WDR59: variants seen among roughly 807,000 people sequenced by gnomAD.
The protein encoded by WDR59 is GATOR2 complex protein WDR59.
Under a neutral mutation model 131.2 loss-of-function variants are expected in WDR59, and 100 were observed. That is an observed-to-expected ratio of 0.76 (90% CI 0.65 to 0.90). WDR59 has a LOEUF of 0.90. Among genes scored for constraint, WDR59 ranks in the 40% least tolerant of loss-of-function variants. The probability of loss-of-function intolerance (pLI) is 0.00; values close to 1 mark genes in which losing one functional copy is unlikely to be tolerated. For synonymous variants in WDR59, 601 were observed against 466.2 expected (o/e 1.29, Z -3.72); for missense variants, 1,203 against 1,262.2 (o/e 0.95, Z 0.71).
intron 17 of WDR59, among the ~76,000 whole-genome samples, chr16:74,908,115 C>T (rs1965907855): frequency 6.6e-6 from 1 of 152,092 alleles, no homozygotes; most frequent in Admixed American, 6.6e-5. Context: ...AGGGCTTTTG[C>T]GTTGTAATTT....
intron 18 of WDR59, among the ~76,000 whole-genome samples, chr16:74,894,720 T>C (rs1186111590): frequency 6.6e-6 from 1 of 152,152 alleles, no homozygotes; most frequent in Non-Finnish European, 1.5e-5. Flanking sequence ...GATTTCCAGG[T>C]CTTACTACTA....
intron 2 of WDR59, among the ~76,000 whole-genome samples, chr16:74,964,668 C>T (rs1411555730): frequency 6.6e-6 from 1 of 151,902 alleles, no homozygotes; most frequent in African/African-American, 2.4e-5. Flanking sequence ...GGTTCATAAA[C>T]AACTACATTA....
chr16:74,887,578 A>C, intron 23 of WDR59, 105 bp downstream of exon 23: 1 of 1,105,742 alleles, frequency 9.0e-7, no homozygotes, highest in Non-Finnish European at 1.3e-6. Flanking sequence ...AAGAGAAATA[A>C]GAAATAAGAA....
chr16:74,875,163 C>A (rs1040661193), intron 25 of WDR59, among the ~76,000 whole-genome samples: 2 of 152,218 alleles, frequency 1.3e-5, no homozygotes, highest in Admixed American at 6.5e-5. Flanking sequence ...ACTGCCCACT[C>A]GCCACTGGCC....
chr16:74,970,495 C>CCAAAAAAAA (rs2033936954), intron 1 of WDR59, among the ~76,000 whole-genome samples: 1 of 33,448 alleles, frequency 3.0e-5, no homozygotes, highest in Non-Finnish European at 6.4e-5. Context: ...ACTCTGTCTC[C>CCAAAAAAAA]AAAAAAAAAA....
chr16:74,959,365 G>A (rs1236174771), intron 2 of WDR59: 5 of 293,454 alleles, frequency 1.7e-5, no homozygotes, highest in Non-Finnish European at 2.7e-5. Context: ...CTCCTCCACC[G>A]TCTACCCACT....
At chr16:74,945,844 G>C (rs1317688875) in intron 6 of WDR59, among the ~76,000 whole-genome samples, 1 of 143,542 alleles carries the variant, frequency 7.0e-6, no homozygotes, top group African/African-American at 2.6e-5. Context: ...TTGAGACAGA[G>C]TTTTGCTCTT....
At chr16:74,941,695 A>C (rs1489077931) in intron 7 of WDR59, among the ~76,000 whole-genome samples, 1 of 38,468 alleles carries the variant, frequency 2.6e-5, no homozygotes, top group Non-Finnish European at 3.9e-5. Context: ...CTGTCTCAAG[A>C]AAAAAAAAAA....
At chr16:74,945,447 A>C (rs910033721) in intron 6 of WDR59, among the ~76,000 whole-genome samples, 6 of 152,070 alleles carry the variant, frequency 3.9e-5, no homozygotes, top group African/African-American at 1.4e-4. Context: ...ACTGCACTCC[A>C]GCCTGGGCAA....
At chr16:74,878,858 T>C (rs1050591272) in intron 25 of WDR59, among the ~76,000 whole-genome samples, 2 of 152,242 alleles carry the variant, frequency 1.3e-5, no homozygotes, top group East Asian at 1.9e-4. Flanking sequence ...TATCATAAAC[T>C]AGCCAGAGCC....
At chr16:74,917,829 AAAAT>A in intron 11 of WDR59, 96 bp downstream of exon 11, 2 of 1,011,288 alleles carry the variant, frequency 2.0e-6, no homozygotes, top group Non-Finnish European at 2.9e-6. Flanking sequence ...AAAAAAAAAA[AAAAT>A]TGTTTATCCT....
chr16:74,980,003 C>A (rs377348791), intron 1 of WDR59, among the ~76,000 whole-genome samples: 1 of 151,730 alleles, frequency 6.6e-6, no homozygotes, highest in Non-Finnish European at 1.5e-5. Context: ...CATGCACCAC[C>A]ACGCCCAGCT....
intron 22 of WDR59, 41 bp from the exon 23 acceptor site, chr16:74,887,796 A>C: frequency 6.4e-7 from 1 of 1,570,546 alleles, no homozygotes. Context: ...CTAGCATGAG[A>C]ATACCATTCC....
intron 18 of WDR59, among the ~76,000 whole-genome samples, chr16:74,902,464 T>G (rs1321967569): frequency 6.6e-6 from 1 of 152,146 alleles, no homozygotes; most frequent in Non-Finnish European, 1.5e-5. Context: ...ATCAAAAACA[T>G]GGACACAGGC....
intron 1 of WDR59, among the ~76,000 whole-genome samples, chr16:74,980,234 T>G (rs564740389): frequency 1.3e-5 from 2 of 152,028 alleles, no homozygotes; most frequent in South Asian, 2.1e-4. Flanking sequence ...CACAGGCTCT[T>G]GATTATTAAT....
At chr16:74,943,861 T>G (rs1001477090) in intron 6 of WDR59, among the ~76,000 whole-genome samples, 2 of 152,228 alleles carry the variant, frequency 1.3e-5, no homozygotes, top group African/African-American at 4.8e-5. Context: ...TCCAAGGATA[T>G]GCTGTGTTGG....
intron 8 of WDR59, among the ~76,000 whole-genome samples, chr16:74,932,745 T>C (rs767871931): frequency 2.6e-5 from 4 of 152,172 alleles, no homozygotes; most frequent in Non-Finnish European, 5.9e-5. Context: ...CTCCTCAGAC[T>C]CCCAAAGTGC....
chr16:74,876,941 G>C (rs924765277), intron 25 of WDR59, among the ~76,000 whole-genome samples: 3 of 151,942 alleles, frequency 2.0e-5, no homozygotes, highest in African/African-American at 4.8e-5. Flanking sequence ...TCCACTAATC[G>C]TGCCGGTCGC....
At chr16:74,952,742 G>T (rs1328964875) in intron 3 of WDR59, among the ~76,000 whole-genome samples, 1 of 150,702 alleles carries the variant, frequency 6.6e-6, no homozygotes, top group Non-Finnish European at 1.5e-5. Flanking sequence ...GAAAACAACG[G>T]CAGGCTACTT....
Sources: gnomAD v4.1 joint callset for allele counts (sites outside exome capture counted in the v4.1 genomes callset) on GRCh38, gnomAD v4.1.1 for gene constraint, MANE v1.5 for transcripts, NCBI Gene and HGNC (gene_info 2026-07-23, HGNC 2026-07-21) for gene names.